Variants in MTHFD1L observed in about 807,000 individuals in gnomAD.
MTHFD1L encodes monofunctional C1-tetrahydrofolate synthase, mitochondrial.
A neutral mutation model predicts 119.5 loss-of-function variants in MTHFD1L; 81 were observed. The ratio of observed to expected loss-of-function variants is 0.68; its 90% CI spans 0.57 to 0.82. MTHFD1L has a LOEUF of 0.82. MTHFD1L is among the 40% of genes least tolerant of loss of function. The pLI, the probability that MTHFD1L is intolerant of heterozygous loss-of-function variation, is 0.00. For missense variants in MTHFD1L, 1,125 were observed against 1,253.4 expected, an observed-to-expected ratio of 0.90 and a Z score of 1.55; for synonymous variants, 430 against 475.2, an observed-to-expected ratio of 0.90 and a Z score of 1.24.
chr6:150,966,118 T>A (rs573496154), intron 19 of MTHFD1L, among the ~76,000 whole-genome samples: 20 of 152,288 alleles, frequency 1.3e-4, no homozygotes, highest in African/African-American at 4.8e-4. Flanking sequence ...AGAGCGAGGA[T>A]CTGGTTAGGA....
chr6:151,062,109 C>A (rs79233759), intron 26 of MTHFD1L, among the ~76,000 whole-genome samples: 4,928 of 152,246 alleles, frequency 0.032, 160 homozygotes, highest in Admixed American at 0.1. Flanking sequence ...GTTCAGTCCA[C>A]CTTGATTTAC....
At chr6:150,971,870 A>G (rs932517438) in intron 19 of MTHFD1L, 77 bp from the exon 20 acceptor site, 1 of 1,266,774 alleles carries the variant, frequency 7.9e-7, no homozygotes, top group Non-Finnish European at 1.1e-6. Flanking sequence ...TTCCTACCCC[A>G]TTTGCCCCAA....
intron 27 of MTHFD1L, among the ~76,000 whole-genome samples, chr6:151,093,447 A>C (rs922196962): frequency 7.2e-5 from 11 of 152,178 alleles, no homozygotes; most frequent in Non-Finnish European, 1.2e-4. Context: ...TCACGAAGTC[A>C]GGAGTTCAAG....
At chr6:150,901,541 C>T (rs1785100698) in intron 7 of MTHFD1L, among the ~76,000 whole-genome samples, 1 of 152,228 alleles carries the variant, frequency 6.6e-6, no homozygotes, top group African/African-American at 2.4e-5. Flanking sequence ...ATAATGTAAC[C>T]CATAAAGCCA....
chr6:150,897,787 T>A (rs1200699726), intron 7 of MTHFD1L, among the ~76,000 whole-genome samples: 2 of 152,226 alleles, frequency 1.3e-5, no homozygotes, highest in African/African-American at 4.8e-5. Flanking sequence ...AGAGTCTGGC[T>A]TCCTTTTCCA....
At chr6:150,910,185 A>G (rs1786623114) in intron 8 of MTHFD1L, among the ~76,000 whole-genome samples, 1 of 151,598 alleles carries the variant, frequency 6.6e-6, no homozygotes, top group South Asian at 2.1e-4. Context: ...CCATCTCAAA[A>G]AATTAAAAAA....
chr6:150,905,683 C>T lies in MTHFD1L; in HGVS notation c.814C>T (p.Pro272Ser). The part of the protein sequence containing the change: ...HEADIVVLGS[P>S]KPEEIPLTWI... ...GGCTGACATTGTGGTCCTAGGCTCA[C>T]CTAAGCCAGAAGAGATTCCCCTTAC... The change falls in exon 8 of 28, where the codon CCT becomes TCT. Residue 272 changes from proline to serine, a missense_variant. Physicochemically the swap from Pro to Ser is moderately conservative, Grantham distance 74. Around this residue, in one of 3 missense-constraint regions of MTHFD1L, gnomAD observed 1,058 missense variants for 1,151.2 expected, o/e 0.92. Transcript: ENST00000367321. 1 of 1,614,074 alleles carries T rather than the reference C, an allele frequency of 6.2e-7. No individual in the cohort carries two copies. The highest frequency in any genetic ancestry group is 8.5e-7 in the Non-Finnish European group (1 of 1,179,978).
chr6:150,903,705 A>G (rs1003104200), intron 7 of MTHFD1L, among the ~76,000 whole-genome samples: 1 of 152,198 alleles, frequency 6.6e-6, no homozygotes, highest in African/African-American at 2.4e-5. Context: ...ATTACCCAGC[A>G]TGGCAGCATG....
chr6:151,001,728 T>C (rs1780650894), intron 20 of MTHFD1L, among the ~76,000 whole-genome samples: 1 of 152,122 alleles, frequency 6.6e-6, no homozygotes, highest in Non-Finnish European at 1.5e-5. Context: ...TGTTCCTGCC[T>C]GGGGTTGGGT....
chr6:150,946,653 G>T (rs2128962399), intron 15 of MTHFD1L, among the ~76,000 whole-genome samples: 1 of 152,190 alleles, frequency 6.6e-6, no homozygotes, highest in East Asian at 1.9e-4. Context: ...GTATTAAGTG[G>T]TTTTAAAAAT....
intron 12 of MTHFD1L, among the ~76,000 whole-genome samples, chr6:150,938,313 C>T (rs1017809089): frequency 4.6e-5 from 7 of 152,218 alleles, no homozygotes; most frequent in African/African-American, 1.7e-4. Flanking sequence ...CCACCTCGCC[C>T]AGCCACAGTG....
At chr6:150,994,515 G>A (rs958953853) in intron 20 of MTHFD1L, among the ~76,000 whole-genome samples, 14 of 152,094 alleles carry the variant, frequency 9.2e-5, no homozygotes, top group South Asian at 8.3e-4. Flanking sequence ...CTGTGTCATC[G>A]TCTCTATTTT....
intron 24 of MTHFD1L, among the ~76,000 whole-genome samples, chr6:151,032,701 A>G (rs544298035): frequency 7.9e-5 from 12 of 152,334 alleles, no homozygotes; most frequent in African/African-American, 2.9e-4. Context: ...AAGTCTCCTC[A>G]TCCATGAGCA....
chr6:151,085,640 G>A (rs1444286425), intron 26 of MTHFD1L, among the ~76,000 whole-genome samples: 2 of 152,094 alleles, frequency 1.3e-5, no homozygotes, highest in Non-Finnish European at 2.9e-5. Context: ...CCATGGTGGT[G>A]GGTGCCTGTA....
In MTHFD1L at chr6:150,888,049, A is replaced by G. The variant is rs116132324; in HGVS notation, c.780+68A>G. 501 of 1,467,248 alleles carry G rather than the reference A, an allele frequency of 3.4e-4. 5 individuals carry two copies. In the African/African-American group the frequency reaches 6.1e-3, roughly 18 times the overall value. The allele number at this position is 1,467,248 out of a possible 1,614,324, so 90.9% of individuals were successfully genotyped here. ...AGAACAGAAGAAAGTCTAGAAATGT[A>G]TAAGCTAAGTGCTTAATTCAAGAAA... On this transcript the variant is annotated intron_variant, in intron 7 of 27. Coordinates refer to ENST00000367321, the MANE Select transcript of MTHFD1L (RefSeq NM_015440.5).
intron 27 of MTHFD1L, among the ~76,000 whole-genome samples, chr6:151,100,878 G>C (rs1048973061): frequency 6.6e-6 from 1 of 152,074 alleles, no homozygotes; most frequent in Non-Finnish European, 1.5e-5. Context: ...CCTAAACAAG[G>C]CTGGGCGTGG....
chr6:150,908,829 T>C (rs1214503173), intron 8 of MTHFD1L, among the ~76,000 whole-genome samples: 1 of 138,548 alleles, frequency 7.2e-6, no homozygotes, highest in Non-Finnish European at 1.5e-5. Context: ...GGAGAAAGGT[T>C]TTTTTTCCCC....
At chr6:151,099,393 C>T in intron 27 of MTHFD1L, 2 of 658,174 alleles carry the variant, frequency 3.0e-6, no homozygotes, top group Non-Finnish European at 5.4e-6. Context: ...GTCATTGACC[C>T]TCAGGTCAAG....
chr6:150,917,040 C>T (rs992740221), intron 8 of MTHFD1L, among the ~76,000 whole-genome samples: 1 of 151,488 alleles, frequency 6.6e-6, no homozygotes, highest in African/African-American at 2.4e-5. Flanking sequence ...GGATTACAGG[C>T]GTGAGCCACC....
Sources: allele counts gnomAD v4.1 joint callset (sites outside exome capture counted in the v4.1 genomes callset), GRCh38; gene constraint gnomAD v4.1.1; regional missense constraint gnomAD v4.1.1; transcripts MANE v1.5; gene names NCBI Gene and HGNC (gene_info 2026-07-23, HGNC 2026-07-21).